DHX35: variants seen among roughly 807,000 people sequenced by gnomAD.
DHX35 encodes the protein DEAH-box helicase 35, also known as probable ATP-dependent RNA helicase DHX35.
DHX35 carries 84 observed loss-of-function variants against 99.6 expected under a neutral mutation model. The observed-to-expected ratio is 0.84, with a 90% CI of 0.71 to 1.01. The LOEUF (loss-of-function observed/expected upper bound fraction) is 1.01, where lower values mean the gene tolerates loss of function less well. DHX35 is among the 50% of genes least tolerant of loss of function. The pLI is 0.00. For missense variants in DHX35, 852 were observed against 888.5 expected (o/e 0.96, Z 0.52); for synonymous variants, 331 against 316.2 (o/e 1.05, Z -0.50).
chr20:39,028,492 G>T lies in DHX35; in HGVS notation c.1876G>T (p.Ala626Ser), dbSNP rs1286837083. ...ANAARFHSTG[A>S]YRTIRDDHEL... ...TGCAGCGAGGTTTCATTCTACTGGA[G>T]CTTATAGGTAACATGATACTTGGTG... is the stretch of plus-strand genomic sequence containing the variant. Residue 626 changes from alanine to serine, a missense_variant, in exon 19 of 22, where the codon GCT becomes TCT. Ala to Ser is a moderately conservative substitution (Grantham distance 99). Coordinates refer to ENST00000252011, the MANE Select transcript of DHX35 (RefSeq NM_021931.4). The T allele has an allele frequency of 1.9e-6, 3 of 1,614,102 alleles. No homozygotes were observed. Among genetic ancestry groups the T allele is most frequent in the Non-Finnish European group, 2.5e-6 (3 of 1,180,040 alleles).
At chr20:39,004,276 A>G (rs1469381150) in intron 11 of DHX35, among the ~76,000 whole-genome samples, 1 of 152,156 alleles carries the variant, frequency 6.6e-6, no homozygotes, top group African/African-American at 2.4e-5. Context: ...TAAGTTAGCC[A>G]GGATGGTCTC....
At chr20:39,017,424 A>G (rs2086804196) in intron 14 of DHX35, among the ~76,000 whole-genome samples, 1 of 152,190 alleles carries the variant, frequency 6.6e-6, no homozygotes, top group South Asian at 2.1e-4. Flanking sequence ...ATCTGTAGTG[A>G]GGATGAGAGA....
chr20:38,964,296 C>T (rs1482830011), intron 1 of DHX35, among the ~76,000 whole-genome samples: 1 of 152,064 alleles, frequency 6.6e-6, no homozygotes, highest in Non-Finnish European at 1.5e-5. Context: ...AATAACAGAG[C>T]AGTGTGATAG....
At chr20:39,007,294 T>C (rs887825811) in intron 12 of DHX35, among the ~76,000 whole-genome samples, 9 of 152,216 alleles carry the variant, frequency 5.9e-5, no homozygotes, top group African/African-American at 2.2e-4. Flanking sequence ...GTGCTAGAGC[T>C]TGGAGATCTG....
chr20:39,013,981 G>T (rs2086742953), intron 13 of DHX35, among the ~76,000 whole-genome samples: 1 of 152,174 alleles, frequency 6.6e-6, no homozygotes, highest in Non-Finnish European at 1.5e-5. Flanking sequence ...CCTGAGTTCA[G>T]CTTTGCCACC....
intron 17 of DHX35, among the ~76,000 whole-genome samples, chr20:39,024,557 G>T (rs891144623): frequency 2.6e-5 from 4 of 152,194 alleles, no homozygotes; most frequent in African/African-American, 7.2e-5. Flanking sequence ...CAGGCACAAT[G>T]TATCATCTGC....
chr20:38,997,180 C>T (rs1234449890), intron 8 of DHX35, among the ~76,000 whole-genome samples: 2 of 152,072 alleles, frequency 1.3e-5, no homozygotes, highest in Non-Finnish European at 2.9e-5. Context: ...AAGTGATTCT[C>T]GTGCTTCAGC....
intron 17 of DHX35, among the ~76,000 whole-genome samples, chr20:39,024,042 G>A (rs954141799): frequency 6.6e-6 from 1 of 152,176 alleles, no homozygotes; most frequent in Non-Finnish European, 1.5e-5. Context: ...CCAGCCTCAC[G>A]TCATCTCACA....
chr20:38,969,346 A>G (rs1293067350), intron 2 of DHX35, 132 bp downstream of exon 2: 8 of 1,092,918 alleles, frequency 7.3e-6, no homozygotes, highest in Admixed American at 2.7e-5. Flanking sequence ...ACTGTAAGGG[A>G]TGACTTTTCA....
intron 21 of DHX35, among the ~76,000 whole-genome samples, chr20:39,036,725 C>CAA (rs1568767807): frequency 8.5e-6 from 1 of 117,142 alleles, no homozygotes; most frequent in African/African-American, 3.6e-5. Flanking sequence ...GACTGTCCCC[C>CAA]CAAAAAAAAA....
chr20:38,969,028 C>T (rs2085952791), intron 1 of DHX35, 53 bp from the exon 2 acceptor site: 18 of 1,527,804 alleles, frequency 1.2e-5, no homozygotes, highest in Non-Finnish European at 1.5e-5. Flanking sequence ...AACTTAACAC[C>T]TTTTTCTGTT....
At chr20:38,998,141 T>A (rs2086460126) in intron 8 of DHX35, among the ~76,000 whole-genome samples, 1 of 152,260 alleles carries the variant, frequency 6.6e-6, no homozygotes, top group Non-Finnish European at 1.5e-5. Flanking sequence ...CGAACAATTA[T>A]ATAACATGAC....
chr20:39,028,188 C>T (rs2086988174), intron 18 of DHX35, among the ~76,000 whole-genome samples: 1 of 152,156 alleles, frequency 6.6e-6, no homozygotes, highest in South Asian at 2.1e-4. Flanking sequence ...GTTCAAGGAG[C>T]AGACCAGCAT....
At chr20:38,972,357 T>G (rs1343588160) in intron 2 of DHX35, among the ~76,000 whole-genome samples, 1 of 152,170 alleles carries the variant, frequency 6.6e-6, no homozygotes, top group Admixed American at 6.5e-5. Context: ...GCATTATGTA[T>G]TTTGATAAGT....
At chr20:38,963,117 A>G (rs987778577) in intron 1 of DHX35, 1 of 152,414 alleles carries the variant, frequency 6.6e-6, no homozygotes, top group Non-Finnish European at 1.5e-5. Flanking sequence ...AATCACAATC[A>G]CAAAATGCTT....
intron 1 of DHX35, among the ~76,000 whole-genome samples, chr20:38,963,535 A>G (rs926746655): frequency 6.6e-6 from 1 of 152,222 alleles, no homozygotes; most frequent in African/African-American, 2.4e-5. Flanking sequence ...CCTGAGTTTT[A>G]TTTGCATCCA....
intron 1 of DHX35, among the ~76,000 whole-genome samples, chr20:38,966,327 C>G (rs1158153768): frequency 6.6e-6 from 1 of 152,202 alleles, no homozygotes; most frequent in East Asian, 1.9e-4. Flanking sequence ...TGAAGGAAGT[C>G]TTTTATGAGG....
intron 3 of DHX35, among the ~76,000 whole-genome samples, chr20:38,974,341 A>G (rs183581903): frequency 1.6e-4 from 24 of 152,248 alleles, no homozygotes; most frequent in African/African-American, 5.3e-4. Context: ...ACAATTTACA[A>G]TTTTAGCGTT....
At position 39,006,373 on chromosome 20, in the gene DHX35, C is replaced by T. The variant is rs1283513138; in HGVS notation, c.1222+17C>T. 1 of 1,609,576 alleles carries T rather than the reference C, an allele frequency of 6.2e-7. No homozygotes were observed. The highest frequency in any genetic ancestry group is 1.3e-5 in the African/African-American group (1 of 74,830). On this transcript the variant is annotated intron_variant, in intron 12 of 21. Coordinates refer to ENST00000252011, the MANE Select transcript of DHX35 (RefSeq NM_021931.4). ...TTTATACAGGTTAGTGTGGCTTTCC[C>T]TAAGGGTTTTTGACTTTCTTATAGT...
Sources: allele counts gnomAD v4.1 joint callset (sites outside exome capture counted in the v4.1 genomes callset), GRCh38; gene constraint gnomAD v4.1.1; transcripts MANE v1.5; gene names NCBI Gene and HGNC (gene_info 2026-07-23, HGNC 2026-07-21).